Variants in ANKRD34B observed in about 807,000 individuals in gnomAD.
The protein encoded by ANKRD34B is ankyrin repeat domain 34B.
Under a neutral mutation model 4.4 loss-of-function variants are expected in ANKRD34B, and 2 were observed. The ratio of observed to expected loss-of-function variants is 0.46; its 90% CI spans 0.19 to 1.44. The LOEUF (loss-of-function observed/expected upper bound fraction) is 1.44, where lower values mean the gene tolerates loss of function less well. Ranked by LOEUF, ANKRD34B falls within the 40% of genes most tolerant of loss-of-function variation. ANKRD34B has a pLI of 0.26. For synonymous variants in ANKRD34B, 226 were observed against 227.1 expected, an observed-to-expected ratio of 0.99 and a Z score of 0.05; for missense variants, 558 against 604.7, an observed-to-expected ratio of 0.92 and a Z score of 0.81.
In ANKRD34B at chr5:80,558,601, A is replaced by G; in HGVS notation, c.1419T>C (p.Leu473=). 2.5e-6 allele frequency: 4 copies of G among 1,614,090 alleles called. No homozygotes were observed. Among genetic ancestry groups the G allele is most frequent in the Non-Finnish European group, 2.5e-6 (3 of 1,179,934 alleles). ...INVNNKICSL[L]SCGQKVLMPT... ...GCATAAGCACTTTTTGACCACAAGA[A>G]AGAAGGCTGCAAATCTTGTTGTTGA... Residue 473 remains leucine, a synonymous_variant, in exon 5 of 5, where the codon CTT becomes CTC. Coordinates refer to ENST00000338682, the MANE Select transcript of ANKRD34B (RefSeq NM_001004441.3).
At position 80,559,545 on chromosome 5, in the gene ANKRD34B, C is replaced by G; in HGVS notation, c.475G>C (p.Gly159Arg). ...AAGTATTGTTTAGTAGTATGCTTCC[C>G]ACAGGGCAACTTTGCTGTTGTGATG... ...IIITTAKLPC[G>R]KHTTKQYLNM... The change falls in exon 5 of 5, where the codon GGG becomes CGG. Residue 159 changes from glycine (G) to arginine (R), a missense_variant. Transcript: ENST00000338682. The G allele has an allele frequency of 6.2e-7, 1 of 1,614,166 alleles. No homozygotes were observed. The highest frequency in any genetic ancestry group is 8.5e-7 in the Non-Finnish European group (1 of 1,180,044).
At chr5:80,562,733 G>A (rs1746440922) in intron 4 of ANKRD34B, among the ~76,000 whole-genome samples, 1 of 151,668 alleles carries the variant, frequency 6.6e-6, no homozygotes, top group African/African-American at 2.4e-5. Flanking sequence ...AAACTTGTCA[G>A]GGAAAAAAGG....
chr5:80,559,333 AGG>A lies in ANKRD34B; in HGVS notation c.685_686del (p.Pro229CysfsTer9). On this transcript the variant is annotated frameshift_variant, in exon 5 of 5. Coordinates refer to ENST00000338682, the MANE Select transcript of ANKRD34B (RefSeq NM_001004441.3). LOFTEE classifies it low-confidence loss of function (END_TRUNC). ...SNDDTWDPGS[P>X]VRKPALAPKG... ...TAGGGGCCAATGCAGGTTTCCTCAC[AGG>A]GGAACCTGGGTCCCAGGTATCATCA... The A allele has an allele frequency of 6.2e-7, 1 of 1,614,190 alleles. No homozygotes were observed. Among genetic ancestry groups the A allele is most frequent in the Non-Finnish European group, 8.5e-7 (1 of 1,180,018 alleles).
At chr5:80,566,106 A>G (rs1309468078) in intron 3 of ANKRD34B, among the ~76,000 whole-genome samples, 1 of 152,220 alleles carries the variant, frequency 6.6e-6, no homozygotes, top group Non-Finnish European at 1.5e-5. Flanking sequence ...TTTTAAGAAC[A>G]AAGAAAATTG....
Position 80,559,779 on chromosome 5 carries a change from C to T in ANKRD34B, c.241G>A (p.Asp81Asn). The T allele has an allele frequency of 6.2e-7, 1 of 1,614,162 alleles. No individual in the cohort carries two copies. The highest frequency in any genetic ancestry group is 8.5e-7 in the Non-Finnish European group (1 of 1,180,024). The change falls in exon 5 of 5, where the codon GAC becomes AAC. Residue 81 changes from aspartate to asparagine, a missense_variant. Asp to Asn is a conservative substitution (Grantham distance 23). Transcript: ENST00000338682. ...LENNADPNIQDKSGKTALMHA... is the reference protein window; with the variant it reads ...LENNADPNIQNKSGKTALMHA... ...ATCAGAGCCGTTTTCCCAGATTTGTCCTGTATGTTGGGATCGGCATTGTTC... is the reference window on the plus strand; with the variant it reads ...ATCAGAGCCGTTTTCCCAGATTTGTTCTGTATGTTGGGATCGGCATTGTTC...
chr5:80,562,276 T>G (rs76388639), intron 4 of ANKRD34B, among the ~76,000 whole-genome samples: 3,693 of 152,202 alleles, frequency 0.024, 146 homozygotes, highest in African/African-American at 0.084. Context: ...ACAGCCTATA[T>G]TTTAACAAGA....
intron 4 of ANKRD34B, among the ~76,000 whole-genome samples, chr5:80,562,775 CAT>C (rs1580479371): frequency 6.6e-6 from 1 of 152,196 alleles, no homozygotes; most frequent in Non-Finnish European, 1.5e-5. Context: ...AATGTACCCA[CAT>C]GTTTAGGTTC....
chr5:80,568,118 G>A (rs537874476), intron 2 of ANKRD34B, among the ~76,000 whole-genome samples: 3 of 152,330 alleles, frequency 2.0e-5, no homozygotes, highest in Admixed American at 1.3e-4. Context: ...GGGATGCTAA[G>A]TTCCCTATAC....
chr5:80,567,614 T>C (rs2112720807), intron 2 of ANKRD34B, among the ~76,000 whole-genome samples: 1 of 28,698 alleles, frequency 3.5e-5, no homozygotes, highest in Non-Finnish European at 7.9e-5. Flanking sequence ...AAAGCAAGAC[T>C]CCGTCTCAAA....
intron 1 of ANKRD34B, among the ~76,000 whole-genome samples, chr5:80,569,816 G>T (rs1392944947): frequency 6.6e-6 from 1 of 152,210 alleles, no homozygotes; most frequent in Non-Finnish European, 1.5e-5. Flanking sequence ...CCCAGCGGCC[G>T]CAAAACTGGA....
At chr5:80,560,456 G>C (rs1746382541) in intron 4 of ANKRD34B, among the ~76,000 whole-genome samples, 1 of 152,126 alleles carries the variant, frequency 6.6e-6, no homozygotes, top group South Asian at 2.1e-4. Context: ...AGGAATTTGA[G>C]ACCAGCCTGG....
rs764422921 is a variant in ANKRD34B, at chr5:80,559,282, T to C, written c.738A>G (p.Pro246=). 5 of 1,614,106 alleles carry C rather than the reference T, an allele frequency of 3.1e-6. No homozygotes were observed. In the South Asian group the frequency reaches 5.5e-5, roughly 18 times the overall value. ...APKGPKLPHA[P]PWVKSPPLLM... ...ATAATGGGGGACTCTTGACCCAGGGTGGAGCGTGGGGGAGCTTGGGCCCCT... is the reference window on the plus strand; with the variant it reads ...ATAATGGGGGACTCTTGACCCAGGGCGGAGCGTGGGGGAGCTTGGGCCCCT... The change falls in exon 5 of 5, where the codon CCA becomes CCG. Residue 246 remains proline (P), a synonymous_variant. Transcript: ENST00000338682.
intron 4 of ANKRD34B, among the ~76,000 whole-genome samples, chr5:80,560,952 A>C (rs11949327): frequency 0.12 from 18,412 of 152,150 alleles, 1,177 homozygotes; most frequent in South Asian, 0.18. Context: ...AATGGTGAGC[A>C]TGTGATTACG....
chr5:80,561,890 A>G (rs1327763081), intron 4 of ANKRD34B, among the ~76,000 whole-genome samples: 1 of 152,194 alleles, frequency 6.6e-6, no homozygotes, highest in Non-Finnish European at 1.5e-5. Context: ...AGTTAGGGTT[A>G]ATATGGCAGA....
chr5:80,568,186 A>G (rs1313767845), intron 2 of ANKRD34B, among the ~76,000 whole-genome samples: 1 of 152,112 alleles, frequency 6.6e-6, no homozygotes, highest in African/African-American at 2.4e-5. Flanking sequence ...TAAAAAGAAA[A>G]TTCTAGGCTC....
chr5:80,560,014 A>T lies in ANKRD34B; in HGVS notation c.6T>A (p.Asp2Glu). The T allele has an allele frequency of 6.3e-7, 1 of 1,578,090 alleles. No individual in the cohort carries two copies. Among genetic ancestry groups the T allele is most frequent in the Non-Finnish European group, 8.6e-7 (1 of 1,161,658 alleles). ...CTTCACTTGAAATTTCCATACCTTC[A>T]TCCATCTTCGGAGGTTAGAACTCAA... M[D>E]EGMEISSEGN... Residue 2 changes from aspartate to glutamate, a missense_variant, in exon 5 of 5, where the codon GAT (aspartate) becomes GAA (glutamate). By Grantham distance (45) the Asp-to-Glu change is conservative. Transcript: ENST00000338682.
Position 80,565,734 on chromosome 5 carries a change from A to C in ANKRD34B, c.-105+955T>G, listed in dbSNP as rs151075474. Reference sequence around the variant, plus strand: ...TCTCTCCAATCCATAGCCTATTTAAAATAACAGATAAAATACTGGAAATGT... The same window carrying C: ...TCTCTCCAATCCATAGCCTATTTAACATAACAGATAAAATACTGGAAATGT... On this transcript the variant is annotated intron_variant, in intron 3 of 4. Transcript: ENST00000338682. 4.3e-3 allele frequency among the ~76,000 whole-genome samples: 657 copies of C among 152,368 alleles called. 10 individuals carry two copies. The highest frequency in any genetic ancestry group is 0.012 in the South Asian group (56 of 4,832).
At position 80,558,880 on chromosome 5, in the gene ANKRD34B, G is replaced by A; in HGVS notation, c.1140C>T (p.Thr380=). 1 of 1,614,068 alleles carries A rather than the reference G, an allele frequency of 6.2e-7. No homozygotes were observed. The highest frequency in any genetic ancestry group is 2.2e-5 in the East Asian group (1 of 44,876). The change falls in exon 5 of 5, where the codon ACC becomes ACT. Residue 380 remains threonine, a synonymous_variant. Transcript: ENST00000338682. ...SSDSQLSAGL[T]PPTSEDGKAL... ...CTTTGCCGTCTTCTGAAGTTGGAGGGGTAAGGCCAGCTGAGAGCTGGGAAT... is the reference window on the plus strand; with the variant it reads ...CTTTGCCGTCTTCTGAAGTTGGAGGAGTAAGGCCAGCTGAGAGCTGGGAAT...
Position 80,559,997 on chromosome 5 carries a change from G to T in ANKRD34B, c.23C>A (p.Ser8Ter), listed in dbSNP as rs762597114. The stretch of plus-strand genomic sequence containing the variant: ...TTTGATCAAGGAATTTCCTTCACTT[G>T]AAATTTCCATACCTTCATCCATCTT... MDEGMEI[S>*]SEGNSLIKAV... Residue 8 changes from serine to a stop codon, truncating the protein, a stop_gained, in exon 5 of 5, where the codon TCA (serine) becomes TAA (stop). Transcript: ENST00000338682. LOFTEE classifies it low-confidence loss of function (END_TRUNC). 4.4e-6 allele frequency: 7 copies of T among 1,592,602 alleles called. No individual in the cohort carries two copies. The highest frequency in any genetic ancestry group is 2.7e-5 in the African/African-American group (2 of 73,838).
Sources: allele counts gnomAD v4.1 joint callset (sites outside exome capture counted in the v4.1 genomes callset), GRCh38; gene constraint gnomAD v4.1.1; transcripts MANE v1.5; gene names NCBI Gene and HGNC (gene_info 2026-07-23, HGNC 2026-07-21).